NRG1: variants seen among roughly 807,000 people sequenced by gnomAD.
NRG1 encodes the protein neuregulin 1.
NRG1 carries 18 observed loss-of-function variants against 63.8 expected under a neutral mutation model. That is an observed-to-expected ratio of 0.28 (90% confidence interval 0.19 to 0.42). The LOEUF (loss-of-function observed/expected upper bound fraction) is 0.42. Ranked by LOEUF, NRG1 falls within the 10% of genes least tolerant of loss-of-function variation. The probability of loss-of-function intolerance (pLI) is 1.00; values close to 1 mark genes in which losing one functional copy is unlikely to be tolerated. For missense variants in NRG1, 762 were observed against 814.7 expected, an observed-to-expected ratio of 0.94 and a Z score of 0.79; for synonymous variants, 302 against 301.3, an observed-to-expected ratio of 1.00 and a Z score of -0.02.
chr8:32,524,599 A>G (rs1454863711), intron 1 of NRG1, among the ~76,000 whole-genome samples: 1 of 152,052 alleles, frequency 6.6e-6, no homozygotes, highest in African/African-American at 2.4e-5. Flanking sequence ...AGCCTGTTTC[A>G]GTATCATGGG....
At chr8:32,466,053 A>C (rs1319869465) in intron 1 of NRG1, among the ~76,000 whole-genome samples, 1 of 152,200 alleles carries the variant, frequency 6.6e-6, no homozygotes, top group Non-Finnish European at 1.5e-5. Context: ...CTGTAATACC[A>C]GCACTTTGGG....
intron 1 of NRG1, among the ~76,000 whole-genome samples, chr8:31,819,881 C>G (rs954347837): frequency 6.6e-6 from 1 of 152,150 alleles, no homozygotes; most frequent in Non-Finnish European, 1.5e-5. Flanking sequence ...GTAAAAAATT[C>G]AAGATGTTGT....
At chr8:32,771,322 C>T (rs962460694), downstream of NRG1, among the ~76,000 whole-genome samples, 195 of 125,306 alleles carry the variant, frequency 1.6e-3, 1 homozygote, top group Admixed American at 6.3e-3. Flanking sequence ...GACAAGGTCT[C>T]GCTATGTTGC....
chr8:32,432,260 A>G (rs1818238705), intron 1 of NRG1, among the ~76,000 whole-genome samples: 1 of 152,176 alleles, frequency 6.6e-6, no homozygotes. Flanking sequence ...TAAATAGAAT[A>G]TATTGAAAGC....
chr8:32,044,175 G>C (rs572754470), intron 1 of NRG1, among the ~76,000 whole-genome samples: 1 of 151,782 alleles, frequency 6.6e-6, no homozygotes, highest in African/African-American at 2.4e-5. Context: ...AGACAAAATA[G>C]ACTTCAAAGC....
At chr8:32,217,641 TGAA>T (rs1245451453) in intron 1 of NRG1, among the ~76,000 whole-genome samples, 4 of 151,886 alleles carry the variant, frequency 2.6e-5, no homozygotes, top group African/African-American at 4.8e-5. Flanking sequence ...AGAAATCGGG[TGAA>T]AAAGGAGAGG....
chr8:32,252,058 TA>T (rs1432720475), intron 1 of NRG1, among the ~76,000 whole-genome samples: 6 of 152,334 alleles, frequency 3.9e-5, no homozygotes, highest in African/African-American at 1.4e-4. Context: ...TTTTTTCTTG[TA>T]AATTTGTTTA....
intron 1 of NRG1, among the ~76,000 whole-genome samples, chr8:32,433,996 G>A (rs959640106): frequency 6.6e-6 from 1 of 151,926 alleles, no homozygotes; most frequent in African/African-American, 2.4e-5. Flanking sequence ...GACTATCCTG[G>A]CCAACATGGT....
At chr8:32,771,276 A>ATT (rs553989637), downstream of NRG1, among the ~76,000 whole-genome samples, 35 of 92,764 alleles carry the variant, frequency 3.8e-4, no homozygotes, top group Non-Finnish European at 4.9e-4. Flanking sequence ...ATGCCCAGCG[A>ATT]TTTTTTTTTT....
intron 1 of NRG1, among the ~76,000 whole-genome samples, chr8:31,764,005 CA>C (rs559731505): frequency 0.014 from 828 of 61,170 alleles, 3 homozygotes; most frequent in East Asian, 0.034. Flanking sequence ...GACTCCATCT[CA>C]AAAAAAAAAA....
At chr8:31,829,725 T>C (rs1306303124) in intron 1 of NRG1, among the ~76,000 whole-genome samples, 1 of 152,218 alleles carries the variant, frequency 6.6e-6, no homozygotes, top group South Asian at 2.1e-4. Flanking sequence ...AGTGGCTCTA[T>C]GTGGTTTTAT....
At chr8:32,665,009 C>T (rs965679526) in intron 5 of NRG1, among the ~76,000 whole-genome samples, 1 of 152,028 alleles carries the variant, frequency 6.6e-6, no homozygotes, top group Non-Finnish European at 1.5e-5. Context: ...TTGTTCTTCC[C>T]CTGATGTTAT....
chr8:32,162,238 CAGAA>C (rs1487393514), intron 1 of NRG1, among the ~76,000 whole-genome samples: 5 of 152,144 alleles, frequency 3.3e-5, no homozygotes, highest in South Asian at 2.1e-4. Flanking sequence ...TATTTGATCT[CAGAA>C]AGAATTTTAT....
At chr8:32,158,674 T>G (rs1838454855) in intron 1 of NRG1, among the ~76,000 whole-genome samples, 1 of 149,750 alleles carries the variant, frequency 6.7e-6, no homozygotes, top group Non-Finnish European at 1.5e-5. Flanking sequence ...TCATAGAGAG[T>G]AAGTTAATAA....
chr8:31,983,079 T>A (rs1457001042), intron 1 of NRG1, among the ~76,000 whole-genome samples: 1 of 152,120 alleles, frequency 6.6e-6, no homozygotes, highest in African/African-American at 2.4e-5. Flanking sequence ...TTTTTAAGCC[T>A]AAAATGGATA....
chr8:32,614,489 A>T (rs933623136), intron 3 of NRG1, 25 bp from the exon 4 acceptor site: 3 of 1,610,824 alleles, frequency 1.9e-6, no homozygotes, highest in Admixed American at 1.7e-5. Flanking sequence ...ATATATCATA[A>T]TGTCCTATCA....
chr8:32,365,740 C>T (rs564953393), intron 1 of NRG1, among the ~76,000 whole-genome samples: 171 of 152,236 alleles, frequency 1.1e-3, no homozygotes, highest in Non-Finnish European at 1.8e-3. Context: ...AACTGTGATC[C>T]GGTAAAGCTG....
intron 5 of NRG1, among the ~76,000 whole-genome samples, chr8:32,636,348 A>T (rs1376856727): frequency 6.6e-6 from 1 of 152,130 alleles, no homozygotes; most frequent in Non-Finnish European, 1.5e-5. Context: ...TTAAATACGG[A>T]TGCTTTTAGA....
chr8:32,523,792 G>A (rs1437870276), intron 1 of NRG1, among the ~76,000 whole-genome samples: 3 of 152,108 alleles, frequency 2.0e-5, no homozygotes, highest in South Asian at 2.1e-4. Context: ...AGAAGTGAGC[G>A]AGATCATGCC....
Sources: gnomAD v4.1 joint callset for allele counts (sites outside exome capture counted in the v4.1 genomes callset) on GRCh38, gnomAD v4.1.1 for gene constraint, MANE v1.5 for transcripts, NCBI Gene and HGNC (gene_info 2026-07-23, HGNC 2026-07-21) for gene names.